Variants in UQCRH observed in about 807,000 individuals in gnomAD.
UQCRH encodes the protein cytochrome b-c1 complex subunit 6, mitochondrial.
In UQCRH, 14 loss-of-function variants were observed where a neutral mutation model predicts 16.3. That is an observed-to-expected ratio of 0.86 (90% confidence interval 0.57 to 1.34). The LOEUF is 1.34. UQCRH is among the 40% of genes most tolerant of loss of function. UQCRH has a pLI of 0.00. For missense variants in UQCRH, 89 were observed against 111.9 expected (o/e 0.80, Z 0.92); for synonymous variants, 41 against 41.9 (o/e 0.98, Z 0.08).
intron 3 of UQCRH, among the ~76,000 whole-genome samples, chr1:46,316,276 C>T (rs1053748364): frequency 6.6e-6 from 1 of 151,992 alleles, no homozygotes; most frequent in East Asian, 1.9e-4. Context: ...TGGGGAGGTA[C>T]AAGTTTTTGT....
At chr1:46,311,966 G>T (rs1661487278) in intron 3 of UQCRH, among the ~76,000 whole-genome samples, 1 of 147,838 alleles carries the variant, frequency 6.8e-6, no homozygotes, top group Non-Finnish European at 1.5e-5. Flanking sequence ...TGCTTGCTCT[G>T]TCACCCAGGC....
chr1:46,306,094 G>T (rs983419509), intron 1 of UQCRH, among the ~76,000 whole-genome samples: 1 of 151,908 alleles, frequency 6.6e-6, no homozygotes, highest in Non-Finnish European at 1.5e-5. Context: ...GCCCGGCTGA[G>T]GAACGCAAAA....
intron 3 of UQCRH, among the ~76,000 whole-genome samples, chr1:46,310,606 G>GCCAC (rs1661451650): frequency 6.6e-6 from 1 of 152,158 alleles, no homozygotes; most frequent in African/African-American, 2.4e-5. Context: ...GACTACAAGT[G>GCCAC]CATGCCACCA....
rs1002061056 is a variant in UQCRH at position 46,307,712 on chromosome 1, G to A, written c.55-1389G>A. On this transcript the variant is annotated intron_variant, in intron 1 of 3. Transcript: ENST00000311672. The stretch of plus-strand genomic sequence containing the variant: ...TATTTCCAAGCTCATGAGTGGAGTT[G>A]TGCACTTTTATTTGATATACTTAGT... Among the ~76,000 whole-genome samples, 4 of 152,328 alleles carry A rather than the reference G, an allele frequency of 2.6e-5. No homozygotes were observed. The South Asian group carries it at 8.3e-4, about 32-fold the overall frequency.
Position 46,316,729 on chromosome 1 carries a change from T to C in UQCRH, c.*145T>C. 8.5e-7 allele frequency: 1 copy of C among 1,183,092 alleles called. No individual in the cohort carries two copies. Among genetic ancestry groups the C allele is most frequent in the Non-Finnish European group, 1.2e-6 (1 of 859,520 alleles). The allele number at this position is 1,183,092 out of a possible 1,614,324, so 73.3% of individuals were successfully genotyped here. ...GTTTGGCTTAGGCTGGTAGCTTCTA[T>C]GTAATTCGCAATGATTCCATCTAAA... On this transcript the variant is annotated 3_prime_UTR_variant, in exon 4 of 4. Coordinates refer to ENST00000311672, the MANE Select transcript of UQCRH (RefSeq NM_006004.4).
Position 46,316,543 on chromosome 1 carries a change from C to G in UQCRH, c.244-9C>G. On this transcript the variant is annotated splice_polypyrimidine_tract_variant and intron_variant, in intron 3 of 3. Transcript: ENST00000311672. ...CAATTGATTACCTCCTTTTCTTTCCCCCATCTAGGTGGCCCACAAACTCTT... is the reference window on the plus strand; with the variant it reads ...CAATTGATTACCTCCTTTTCTTTCCGCCATCTAGGTGGCCCACAAACTCTT... 6.2e-7 allele frequency: 1 copy of G among 1,613,482 alleles called. No homozygotes were observed. The highest frequency in any genetic ancestry group is 8.5e-7 in the Non-Finnish European group (1 of 1,179,778).
chr1:46,306,540 A>T (rs1408393436), intron 1 of UQCRH, among the ~76,000 whole-genome samples: 1 of 151,870 alleles, frequency 6.6e-6, no homozygotes, highest in Non-Finnish European at 1.5e-5. Flanking sequence ...CGCCCAGCTA[A>T]TTTTTGTAAT....
chr1:46,304,233 G>T (rs1661317017), intron 1 of UQCRH, among the ~76,000 whole-genome samples: 1 of 152,128 alleles, frequency 6.6e-6, no homozygotes, highest in Admixed American at 6.6e-5. Context: ...CTGGCCTTGT[G>T]TTCCTTTTCT....
intron 3 of UQCRH, among the ~76,000 whole-genome samples, chr1:46,311,843 T>C (rs1661484161): frequency 1.3e-5 from 2 of 151,874 alleles, no homozygotes; most frequent in South Asian, 4.1e-4. Flanking sequence ...TTAGCCAAGA[T>C]GGTCTCAGTC....
chr1:46,311,632 G>T (rs1258197230), intron 3 of UQCRH, among the ~76,000 whole-genome samples: 1 of 150,124 alleles, frequency 6.7e-6, no homozygotes, highest in Non-Finnish European at 1.5e-5. Flanking sequence ...TTGGTCTGTC[G>T]CCCAGGCTGG....
intron 1 of UQCRH, among the ~76,000 whole-genome samples, chr1:46,307,073 A>G (rs1419746633): frequency 6.6e-6 from 1 of 152,032 alleles, no homozygotes; most frequent in African/African-American, 2.4e-5. Flanking sequence ...TTTGAGACGG[A>G]GTCTCTCTGT....
chr1:46,307,034 C>G (rs895772958), intron 1 of UQCRH, among the ~76,000 whole-genome samples: 2 of 152,064 alleles, frequency 1.3e-5, no homozygotes, highest in Non-Finnish European at 2.9e-5. Flanking sequence ...CACAGACGTG[C>G]GCCACCATGC....
At chr1:46,312,390 C>A (rs1179976056) in intron 3 of UQCRH, among the ~76,000 whole-genome samples, 1 of 152,052 alleles carries the variant, frequency 6.6e-6, no homozygotes, top group Non-Finnish European at 1.5e-5. Flanking sequence ...CAGGCGTGAG[C>A]CACCGCACCT....
intron 1 of UQCRH, 41 bp from the exon 2 acceptor site, chr1:46,309,060 A>G: frequency 6.2e-7 from 1 of 1,609,334 alleles, no homozygotes; most frequent in South Asian, 1.1e-5. Flanking sequence ...TAAATATGTC[A>G]TAAAATTGCT....
intron 3 of UQCRH, among the ~76,000 whole-genome samples, chr1:46,313,937 T>C (rs1661531102): frequency 6.6e-6 from 1 of 152,138 alleles, no homozygotes; most frequent in East Asian, 1.9e-4. Context: ...CCCAGAAGTA[T>C]TGAGAGTAGG....
chr1:46,305,298 CAAAAAAAAA>C (rs11444271), intron 1 of UQCRH, among the ~76,000 whole-genome samples: 3 of 65,006 alleles, frequency 4.6e-5, no homozygotes, highest in South Asian at 5.3e-4. Context: ...GACCCTGTCT[CAAAAAAAAA>C]AAAAAAAAAA....
At chr1:46,308,007 A>T (rs1569685409) in intron 1 of UQCRH, among the ~76,000 whole-genome samples, 1 of 152,188 alleles carries the variant, frequency 6.6e-6, no homozygotes, top group Non-Finnish European at 1.5e-5. Flanking sequence ...GAAAATGTCT[A>T]ATTACTGTTT....
Position 46,303,718 on chromosome 1 carries a change from T to C in UQCRH, c.-49T>C. The C allele has an allele frequency of 1.2e-6, 2 of 1,613,812 alleles. No individual in the cohort carries two copies. The highest frequency in any genetic ancestry group is 1.1e-5 in the South Asian group (1 of 91,046). On this transcript the variant is annotated 5_prime_UTR_variant, in exon 1 of 4. Coordinates refer to ENST00000311672, the MANE Select transcript of UQCRH (RefSeq NM_006004.4). ...AAGTCCTTCTTGATCCTGAACTGGG[T>C]TAGGTGCCGCTGTTGCTGCTCGTGT...
rs1472188882 is a variant in UQCRH, at chr1:46,313,285, A to G, written c.243+2969A>G. ...GGCAGGCAGATCACCTGAGCCCAGG[A>G]ATTTGAGACCAGCCTGGGCAACATG... On this transcript the variant is annotated intron_variant, in intron 3 of 3. Transcript: ENST00000311672. 3.3e-5 allele frequency among the ~76,000 whole-genome samples: 5 copies of G among 152,156 alleles called. No individual in the cohort carries two copies. In the East Asian group the frequency reaches 9.6e-4, roughly 29 times the overall value.
Sources: allele counts gnomAD v4.1 joint callset (sites outside exome capture counted in the v4.1 genomes callset), GRCh38; gene constraint gnomAD v4.1.1; transcripts MANE v1.5; gene names NCBI Gene and HGNC (gene_info 2026-07-23, HGNC 2026-07-21).